JAG1: variants seen among roughly 807,000 people sequenced by gnomAD.
JAG1 encodes jagged canonical Notch ligand 1, also known as protein jagged-1.
JAG1 carries 23 observed loss-of-function variants against 148.7 expected under a neutral mutation model. The observed-to-expected ratio is 0.15, with a 90% CI of 0.11 to 0.22. The LOEUF (loss-of-function observed/expected upper bound fraction) is 0.22. Among genes scored for constraint, JAG1 ranks in the 10% least tolerant of loss-of-function variants. JAG1 has a pLI of 1.00. For synonymous variants in JAG1, 572 were observed against 598.3 expected, an observed-to-expected ratio of 0.96 and a Z score of 0.64; for missense variants, 1,054 against 1,611.2, an observed-to-expected ratio of 0.65 and a Z score of 5.92.
chr20:10,671,895 T>C (rs996271067), intron 2 of JAG1, among the ~76,000 whole-genome samples: 1 of 151,568 alleles, frequency 6.6e-6, no homozygotes, highest in Admixed American at 6.6e-5. Flanking sequence ...AGGCACTACC[T>C]CCAGAAGACC....
intron 19 of JAG1, 94 bp from the exon 20 acceptor site, chr20:10,643,957 G>T: frequency 1.1e-6 from 1 of 930,930 alleles, no homozygotes; most frequent in Non-Finnish European, 1.7e-6. Flanking sequence ...TACAGTCAGT[G>T]GCTCTCACCC....
chr20:10,644,334 G>T, intron 19 of JAG1, 23 bp downstream of exon 19: 1 of 1,580,548 alleles, frequency 6.3e-7, no homozygotes, highest in Non-Finnish European at 8.7e-7. Context: ...ATGAGTGCTG[G>T]CTTAAAAGGA....
rs748384232 is a variant in JAG1 at position 10,647,978 on chromosome 20, G to C, written c.1702C>G (p.Arg568Gly). The change falls in exon 13 of 26, where the codon CGC becomes GGC. Residue 568 changes from arginine (R) to glycine (G), a missense_variant. Around this residue, in one of 6 missense-constraint regions of JAG1, gnomAD observed 245 missense variants for 373.1 expected, o/e 0.66. Coordinates refer to ENST00000254958, the MANE Select transcript of JAG1 (RefSeq NM_000214.3). ...GAGGTACCTTCACAGGGGGTCGTGC[G>C]GCAGTGGTCTTTCAGGTGTGAGCAG... ...KNCSHLKDHC[R>G]TTPCEVIDSC... is the part of the protein sequence containing the mutation. 6.2e-7 allele frequency: 1 copy of C among 1,614,154 alleles called. No individual in the cohort carries two copies. The highest frequency in any genetic ancestry group is 1.1e-5 in the South Asian group (1 of 91,072).
chr20:10,673,156 G>C lies in JAG1; in HGVS notation c.82-150C>G. On this transcript the variant is annotated intron_variant, in intron 1 of 25. Coordinates refer to ENST00000254958, the MANE Select transcript of JAG1 (RefSeq NM_000214.3). The surrounding 1 kb of genome is among the most constrained non-coding windows in gnomAD (Gnocchi z 4.7). Reference sequence around the variant, plus strand: ...GAAACTACGTTCAAGGACTCAACATGATTCCGGGGCAAAAAAAAAAAAAAA... The same window carrying C: ...GAAACTACGTTCAAGGACTCAACATCATTCCGGGGCAAAAAAAAAAAAAAA... The C allele has an allele frequency of 1.5e-6, 1 of 650,428 alleles. No homozygotes were observed. The highest frequency in any genetic ancestry group is 3.0e-5 in the Admixed American group (1 of 33,498). 40.3% of individuals were successfully genotyped at this position (650,428 alleles called of 1,614,324 possible).
At chr20:10,658,140 T>TA (rs1391486478) in intron 4 of JAG1, among the ~76,000 whole-genome samples, 1 of 152,184 alleles carries the variant, frequency 6.6e-6, no homozygotes, top group Non-Finnish European at 1.5e-5. Flanking sequence ...AAGCTGGGCT[T>TA]TGTAGCCCTA....
At position 10,645,692 on chromosome 20, in the gene JAG1, G is replaced by A; in HGVS notation, c.2000-223C>T. The A allele has an allele frequency of 1.6e-6, 1 of 623,246 alleles. No homozygotes were observed. Among genetic ancestry groups the A allele is most frequent in the Non-Finnish European group, 2.8e-6 (1 of 352,722 alleles). The allele number at this position is 623,246 out of a possible 1,614,324, so 38.6% of individuals were successfully genotyped here. A position where few individuals can be genotyped will look rare whatever the true frequency, so the allele number is the denominator to read the frequency against. On this transcript the variant is annotated intron_variant, in intron 15 of 25. Transcript: ENST00000254958. The surrounding 1 kb of genome is among the most constrained non-coding windows in gnomAD (Gnocchi z 6.1). ...CAAGATGTGGGGTGGGCCTCTGGAAGTCCCATGGAAATGAAAGTAGAAATA... is the reference window on the plus strand; with the variant it reads ...CAAGATGTGGGGTGGGCCTCTGGAAATCCCATGGAAATGAAAGTAGAAATA...
At chr20:10,646,894 G>A (rs781730526) in intron 14 of JAG1, 45 bp downstream of exon 14, 5 of 1,590,966 alleles carry the variant, frequency 3.1e-6, no homozygotes, top group Non-Finnish European at 4.3e-6. Flanking sequence ...AGGGGCAGGG[G>A]CAGGCTGGGG....
rs1327197130 is a variant in JAG1 at position 10,644,929 on chromosome 20, C to T, written c.2278G>A (p.Val760Met). The change falls in exon 18 of 26, where the codon GTG becomes ATG. Residue 760 changes from valine to methionine, a missense_variant. Transcript: ENST00000254958. ...PNPCHNGGTC[V>M]VNGESFTCVC... ...CACGTAAAGGACTCGCCGTTGACCA[C>T]ACATGTGCCCCCATTATGGCAGGGG... 6.2e-7 allele frequency: 1 copy of T among 1,614,198 alleles called. No individual in the cohort carries two copies. The highest frequency in any genetic ancestry group is 8.5e-7 in the Non-Finnish European group (1 of 1,180,026).
chr20:10,645,021 C>T lies in JAG1; in HGVS notation c.2228-42G>A. Reference sequence around the variant, plus strand: ...GACACGACCACCCTCCCTGAGTATCCAGAAACAGTCTGGAGGGGCAAGAAC... The same window carrying T: ...GACACGACCACCCTCCCTGAGTATCTAGAAACAGTCTGGAGGGGCAAGAAC... On this transcript the variant is annotated intron_variant, in intron 17 of 25. Transcript: ENST00000254958. This position sits in a 1 kb window ranked among gnomAD's most constrained non-coding sequence, Gnocchi z 6.1. 1 of 1,562,784 alleles carries T rather than the reference C, an allele frequency of 6.4e-7. No homozygotes were observed. Among genetic ancestry groups the T allele is most frequent in the Non-Finnish European group, 8.8e-7 (1 of 1,133,294 alleles).
chr20:10,650,827 T>A, intron 8 of JAG1: 1 of 177,666 alleles, frequency 5.6e-6, no homozygotes, highest in South Asian at 1.3e-4. Context: ...CAGAGACAAC[T>A]CCTAACAATT....
chr20:10,670,962 C>T (rs1051841972), intron 2 of JAG1, among the ~76,000 whole-genome samples: 4 of 152,224 alleles, frequency 2.6e-5, no homozygotes, highest in Non-Finnish European at 5.9e-5. Context: ...TTTTCCTTGG[C>T]CAGCGAGGGA....
In JAG1 at chr20:10,641,901, T is replaced by TG. The variant is rs1219606510; in HGVS notation, c.2573-10dup. 3.2e-6 allele frequency: 5 copies of TG among 1,554,222 alleles called. No individual in the cohort carries two copies. In the South Asian group the frequency reaches 5.6e-5, roughly 17 times the overall value. ...GCAAGGTCTCCCTGAAACTGACAGG[T>TG]GGAGACGGGTGAGCAGTTTATTTTT... is the stretch of plus-strand genomic sequence containing the variant. On this transcript the variant is annotated splice_polypyrimidine_tract_variant and intron_variant, in intron 21 of 25. Transcript: ENST00000254958.
intron 2 of JAG1, among the ~76,000 whole-genome samples, chr20:10,671,620 C>T (rs1026789933): frequency 1.8e-4 from 27 of 152,174 alleles, no homozygotes; most frequent in African/African-American, 6.0e-4. Context: ...CGAGCTCCCC[C>T]TCTCACCACC....
chr20:10,659,847 T>C (rs899956117), intron 3 of JAG1, among the ~76,000 whole-genome samples: 1 of 152,192 alleles, frequency 6.6e-6, no homozygotes, highest in African/African-American at 2.4e-5. Flanking sequence ...GTCCCTGCCC[T>C]GAGGCCACTT....
chr20:10,659,099 C>T (rs1374240981), intron 3 of JAG1, among the ~76,000 whole-genome samples: 3 of 152,194 alleles, frequency 2.0e-5, no homozygotes, highest in Non-Finnish European at 4.4e-5. Flanking sequence ...AATCAGAGTC[C>T]GTGCACAACA....
At chr20:10,648,224 T>A in intron 12 of JAG1, 114 bp from the exon 13 acceptor site, 1 of 1,228,046 alleles carries the variant, frequency 8.1e-7, no homozygotes, top group Non-Finnish European at 1.2e-6. Context: ...CGGTTTCTAT[T>A]AGGAGACACC....
In JAG1 at chr20:10,648,532, G is replaced by A. The variant is rs2122608633; in HGVS notation, c.1569+17C>T. ...TGCTCTAAAAACTTGGCCATCTGAG[G>A]TTTTGCCACCACTCACCTGACAGAG... is the stretch of plus-strand genomic sequence containing the variant. On this transcript the variant is annotated intron_variant, in intron 12 of 25. Coordinates refer to ENST00000254958, the MANE Select transcript of JAG1 (RefSeq NM_000214.3). 1 of 1,612,008 alleles carries A rather than the reference G, an allele frequency of 6.2e-7. No homozygotes were observed.
intron 3 of JAG1, among the ~76,000 whole-genome samples, chr20:10,661,106 T>A (rs1319619354): frequency 1.3e-5 from 2 of 152,216 alleles, no homozygotes; most frequent in South Asian, 2.1e-4. Context: ...TTTGGAACTC[T>A]ATATACCACA....
Position 10,641,182 on chromosome 20 carries a change from G to C in JAG1, c.2979C>G (p.Ser993=). 4 of 1,613,792 alleles carry C rather than the reference G, an allele frequency of 2.5e-6. No individual in the cohort carries two copies. The highest frequency in any genetic ancestry group is 3.4e-6 in the Non-Finnish European group (4 of 1,179,914). ...LRNLNILKNV[S]AEYSIYIACE... ...AAGCGATGTAGATTGAATATTCAGC[G>C]GAAACATTCTTCAAAATATTCAAAT... The change falls in exon 24 of 26, where the codon TCC becomes TCG. Residue 993 remains serine, a synonymous_variant. Transcript: ENST00000254958.
Sources: gnomAD v4.1 joint callset for allele counts (sites outside exome capture counted in the v4.1 genomes callset) on GRCh38, gnomAD v4.1.1 for gene constraint, gnomAD v4.1.1 regional missense constraint, Gnocchi (gnomAD v3.1) non-coding constraint, MANE v1.5 for transcripts, NCBI Gene and HGNC (gene_info 2026-07-23, HGNC 2026-07-21) for gene names.